Variants in ACAA1 observed in about 807,000 individuals in gnomAD.
The protein encoded by ACAA1 is 3-ketoacyl-CoA thiolase, peroxisomal.
ACAA1 carries 44 observed loss-of-function variants against 48.8 expected under a neutral mutation model. That is an observed-to-expected ratio of 0.90 (90% CI 0.71 to 1.16). The LOEUF (loss-of-function observed/expected upper bound fraction) is 1.16, where lower values mean the gene tolerates loss of function less well. Among genes scored for constraint, ACAA1 ranks in the 50% most tolerant of loss-of-function variants. ACAA1 has a pLI of 0.00. For missense variants in ACAA1, 512 were observed against 562.3 expected, an observed-to-expected ratio of 0.91 and a Z score of 0.90; for synonymous variants, 233 against 226.5, an observed-to-expected ratio of 1.03 and a Z score of -0.26.
chr3:38,125,668 C>G lies in ACAA1; in HGVS notation c.1096G>C (p.Val366Leu). 1 of 1,599,040 alleles carries G rather than the reference C, an allele frequency of 6.3e-7. No individual in the cohort carries two copies. Among genetic ancestry groups the G allele is most frequent in the Non-Finnish European group, 8.5e-7 (1 of 1,171,378 alleles). Residue 366 changes from valine (V) to leucine (L), a missense_variant, in exon 11 of 12, where the codon GTG becomes CTG. Coordinates refer to ENST00000333167, the MANE Select transcript of ACAA1 (RefSeq NM_001607.4). ...GCCACTGCACCCCCCAGGGGGTTCA[C>G]CTTCTCAGGGGGGAGTCGTAGCTTC... ...VEKLRLPPEK[V>L]NPLGGAVALG...
intron 11 of ACAA1, chr3:38,123,395 C>T (rs758405165): frequency 7.3e-6 from 3 of 411,178 alleles, no homozygotes; most frequent in Non-Finnish European, 1.3e-5. Context: ...TGTTCCCCTC[C>T]CCAGGGATCG....
rs754614303 is a variant in ACAA1 at position 38,131,947 on chromosome 3, G to A, written c.382C>T (p.Gln128Ter). 8 of 1,613,912 alleles carry A rather than the reference G, an allele frequency of 5.0e-6. No homozygotes were observed. Among genetic ancestry groups the A allele is most frequent in the Admixed American group, 1.7e-5 (1 of 60,000 alleles). Residue 128 changes from glutamine (Q) to a stop codon, truncating the protein, a stop_gained, in exon 4 of 12, where the codon CAG becomes TAG. Transcript: ENST00000333167. LOFTEE classifies it high-confidence loss of function. ...TTACCTGCTATGCTGGCCACTGCCTGTAGCCCCGACGAACACTGTCTATTG... is the reference window on the plus strand; with the variant it reads ...TTACCTGCTATGCTGGCCACTGCCTATAGCCCCGACGAACACTGTCTATTG... ...TVNRQCSSGL[Q>*]AVASIAGGIR...
intron 2 of ACAA1, chr3:38,134,595 C>T (rs768135604): frequency 1.8e-5 from 8 of 450,724 alleles, no homozygotes; most frequent in Admixed American, 2.4e-5. Flanking sequence ...TGCTGTTAAT[C>T]TGTAACTTTA....
At chr3:38,136,453 T>A (rs1342747869) in intron 2 of ACAA1, 139 bp downstream of exon 2, 4 of 794,186 alleles carry the variant, frequency 5.0e-6, no homozygotes, top group African/African-American at 1.7e-5. Flanking sequence ...TACCCACAGG[T>A]GTGAAGGGGC....
chr3:38,127,093 C>T (rs978883796), intron 7 of ACAA1, among the ~76,000 whole-genome samples: 4 of 152,178 alleles, frequency 2.6e-5, no homozygotes, highest in East Asian at 1.9e-4. Flanking sequence ...CCCCAGTTTC[C>T]GCCTATTTAA....
rs1284754116 is a variant in ACAA1, at chr3:38,136,640, G to A, written c.217C>T (p.Leu73Phe). The A allele has an allele frequency of 6.2e-7, 1 of 1,614,050 alleles. No homozygotes were observed. Residue 73 changes from leucine (L) to phenylalanine (F), a missense_variant, in exon 2 of 12, where the codon CTC becomes TTC. Transcript: ENST00000333167. ...ELLSAVMTAV[L>F]KDVNLRPEQL... ...TCCGGCCTCAGATTCACGTCCTTGA[G>A]AACCGCGGTCATGACTGCCGAGAGA...
intron 3 of ACAA1, 75 bp downstream of exon 3, chr3:38,133,877 C>T: frequency 1.3e-6 from 2 of 1,509,452 alleles, no homozygotes; most frequent in Non-Finnish European, 1.8e-6. Flanking sequence ...CCAACCTGCA[C>T]ACTGAGTTTC....
chr3:38,131,870 T>C, intron 4 of ACAA1, 56 bp downstream of exon 4: 1 of 1,522,040 alleles, frequency 6.6e-7, no homozygotes, highest in Non-Finnish European at 9.1e-7. Context: ...GACAGCGACT[T>C]TGCTGACCCA....
chr3:38,135,532 G>A (rs566755055), intron 2 of ACAA1, among the ~76,000 whole-genome samples: 1 of 152,252 alleles, frequency 6.6e-6, no homozygotes, highest in African/African-American at 2.4e-5. Context: ...AGTGTCATAA[G>A]TAAGTTTAAG....
intron 6 of ACAA1, 86 bp from the exon 7 acceptor site, chr3:38,127,952 G>A (rs1700712004): frequency 1.5e-6 from 2 of 1,372,098 alleles, no homozygotes; most frequent in Non-Finnish European, 2.1e-6. Flanking sequence ...TTGGAACTTT[G>A]GGTTCCCAAG....
At chr3:38,127,535 A>G (rs974504813) in intron 7 of ACAA1, 8 of 539,398 alleles carry the variant, frequency 1.5e-5, no homozygotes, top group Non-Finnish European at 2.7e-5. Context: ...GCCAGAAAAT[A>G]ACAGAGGGGG....
chr3:38,132,540 A>G (rs1700810100), intron 3 of ACAA1: 1 of 152,930 alleles, frequency 6.5e-6, no homozygotes, highest in African/African-American at 2.4e-5. Context: ...AAGCACTCTG[A>G]TGGGCATCAT....
chr3:38,134,259 C>T (rs964765832), intron 2 of ACAA1: 5 of 559,502 alleles, frequency 8.9e-6, no homozygotes, highest in Non-Finnish European at 1.6e-5. Flanking sequence ...CCAGCTTTTC[C>T]AAATCAGCAC....
chr3:38,134,534 TAAG>T (rs974429922), intron 2 of ACAA1: 14 of 456,092 alleles, frequency 3.1e-5, no homozygotes, highest in Admixed American at 3.1e-4. Flanking sequence ...AAGGAAGACA[TAAG>T]AAACTCCATG....
chr3:38,137,020 C>T lies in ACAA1; in HGVS notation c.16G>A (p.Val6Ile). Residue 6 changes from valine to isoleucine, a missense_variant, in exon 1 of 12, where the codon GTA becomes ATA. Val to Ile is a conservative substitution (Grantham distance 29, BLOSUM62 3). Coordinates refer to ENST00000333167, the MANE Select transcript of ACAA1 (RefSeq NM_001607.4). MQRLQ[V>I]VLGHLRGPAD... ...GGACCCCTCAGGTGGCCCAGCACTA[C>T]CTGCAGCCTCTGCATTGCGCAGGTC... 6.4e-7 allele frequency: 1 copy of T among 1,566,592 alleles called. No homozygotes were observed. The highest frequency in any genetic ancestry group is 1.4e-5 in the African/African-American group (1 of 72,936).
rs1700560480 is a variant in ACAA1, at chr3:38,122,805, G to A, written c.*242C>T. On this transcript the variant is annotated 3_prime_UTR_variant, in exon 12 of 12. Coordinates refer to ENST00000333167, the MANE Select transcript of ACAA1 (RefSeq NM_001607.4). Reference sequence around the variant, plus strand: ...TTAACCATGGCCTTGTGGCCTGGGTGACCCAGGCTGCTTTTATCTTGCACA... The same window carrying A: ...TTAACCATGGCCTTGTGGCCTGGGTAACCCAGGCTGCTTTTATCTTGCACA... 5 of 987,374 alleles carry A rather than the reference G, an allele frequency of 5.1e-6. No individual in the cohort carries two copies. Among genetic ancestry groups the A allele is most frequent in the Non-Finnish European group, 7.2e-6 (5 of 697,336 alleles). The allele number at this position is 987,374 out of a possible 1,614,324, so 61.2% of individuals were successfully genotyped here.
At position 38,136,604 on chromosome 3, in the gene ACAA1, C is replaced by A. The variant is rs755405630; in HGVS notation, c.253G>T (p.Asp85Tyr). The A allele has an allele frequency of 1.2e-6, 2 of 1,614,030 alleles. No individual in the cohort carries two copies. The highest frequency in any genetic ancestry group is 1.3e-5 in the African/African-American group (1 of 75,048). Residue 85 changes from aspartate to tyrosine, a missense_variant, in exon 2 of 12, where the codon GAC (aspartate) becomes TAC (tyrosine). Coordinates refer to ENST00000333167, the MANE Select transcript of ACAA1 (RefSeq NM_001607.4). ...GTGGTTCGCTCACCGACACAGATGT[C>A]CCCCAGCTGTTCCGGCCTCAGATTC... ...DVNLRPEQLG[D>Y]ICVGNVLQPG...
intron 10 of ACAA1, 22 bp from the exon 11 acceptor site, chr3:38,125,732 C>T (rs1314588315): frequency 1.2e-6 from 2 of 1,613,070 alleles, no homozygotes; most frequent in African/African-American, 1.3e-5. Context: ...CAGATCATCA[C>T]CTATAGCCCT....
intron 5 of ACAA1, among the ~76,000 whole-genome samples, chr3:38,130,987 T>A (rs1236249499): frequency 6.6e-6 from 1 of 152,240 alleles, no homozygotes; most frequent in Non-Finnish European, 1.5e-5. Context: ...CCTGGGCACC[T>A]GTGCCCTGAC....
Sources: gnomAD v4.1 joint callset for allele counts (sites outside exome capture counted in the v4.1 genomes callset) on GRCh38, gnomAD v4.1.1 for gene constraint, MANE v1.5 for transcripts, NCBI Gene and HGNC (gene_info 2026-07-23, HGNC 2026-07-21) for gene names.